GASK1B: variants seen among roughly 807,000 people sequenced by gnomAD.
GASK1B encodes golgi associated kinase 1B.
A neutral mutation model predicts 42.8 loss-of-function variants in GASK1B; 34 were observed. The ratio of observed to expected loss-of-function variants is 0.79; its 90% CI spans 0.60 to 1.06. The LOEUF (loss-of-function observed/expected upper bound fraction) is 1.06, where lower values mean the gene tolerates loss of function less well. Among genes scored for constraint, GASK1B ranks in the 50% least tolerant of loss-of-function variants. GASK1B has a pLI of 0.00. For synonymous variants in GASK1B, 262 were observed against 259.1 expected (o/e 1.01, Z -0.11); for missense variants, 686 against 661.0 (o/e 1.04, Z -0.42).
chr4:158,144,403 T>C (rs748998678), intron 3 of GASK1B, among the ~76,000 whole-genome samples: 5 of 152,238 alleles, frequency 3.3e-5, no homozygotes, highest in African/African-American at 4.8e-5. Context: ...AGTCAGACTT[T>C]TGAATTTCAT....
chr4:158,154,831 T>C (rs1237394463), intron 3 of GASK1B, among the ~76,000 whole-genome samples: 2 of 152,082 alleles, frequency 1.3e-5, no homozygotes, highest in Non-Finnish European at 2.9e-5. Flanking sequence ...ATAAGAATGA[T>C]ACAATGGACT....
chr4:158,171,591 G>C lies in GASK1B; in HGVS notation c.-216C>G. 1 of 443,292 alleles carries C rather than the reference G, an allele frequency of 2.3e-6. No individual in the cohort carries two copies. Among genetic ancestry groups the C allele is most frequent in the Non-Finnish European group, 3.9e-6 (1 of 256,984 alleles). 27.5% of individuals were successfully genotyped at this position (443,292 alleles called of 1,614,324 possible). On this transcript the variant is annotated 5_prime_UTR_variant, in exon 2 of 5. Coordinates refer to ENST00000585682, the MANE Select transcript of GASK1B (RefSeq NM_001128424.2). ...TATCAGTCTCCCCAAGGAGAAATGC[G>C]GCTTGTTTCTGGGAATGAATGGATA...
Position 158,171,359 on chromosome 4 carries a change from T to C in GASK1B, c.17A>G (p.Lys6Arg). ...GAACCAGTTTATGAGCTGCCCCGGC[T>C]TGTCTGGACAGGTCATTTCTCTGCC... MTCPD[K>R]PGQLINWFIC... is the part of the protein sequence containing the mutation. The change falls in exon 2 of 5, where the codon AAG (lysine) becomes AGG (arginine). Residue 6 changes from lysine (K) to arginine (R), a missense_variant. Lys to Arg is a conservative substitution (Grantham distance 26). Coordinates refer to ENST00000585682, the MANE Select transcript of GASK1B (RefSeq NM_001128424.2). 2 of 1,583,990 alleles carry C rather than the reference T, an allele frequency of 1.3e-6. No homozygotes were observed. Among genetic ancestry groups the C allele is most frequent in the Non-Finnish European group, 8.6e-7 (1 of 1,162,276 alleles).
At chr4:158,158,517 T>C (rs1731843778) in intron 2 of GASK1B, among the ~76,000 whole-genome samples, 1 of 152,034 alleles carries the variant, frequency 6.6e-6, no homozygotes, top group South Asian at 2.1e-4. Context: ...GTATGTAGAG[T>C]TTGTCATAAT....
intron 3 of GASK1B, among the ~76,000 whole-genome samples, chr4:158,132,449 G>A (rs920961828): frequency 6.6e-6 from 1 of 152,108 alleles, no homozygotes; most frequent in African/African-American, 2.4e-5. Context: ...TCCTATCAGT[G>A]AGCTAGGCAC....
chr4:158,130,904 G>C lies in GASK1B; in HGVS notation c.1234C>G (p.Leu412Val). Residue 412 changes from leucine to valine, a missense_variant, in exon 4 of 5, where the codon CTA becomes GTA. Physicochemically the swap from Leu to Val is conservative, Grantham distance 32. Transcript: ENST00000585682. Reference sequence around the variant, plus strand: ...TGCTTTCGCTGGATAATGTGTGCTAGAGCCGCAGAACCTTGGTCATCACAT... The same window carrying C: ...TGCTTTCGCTGGATAATGTGTGCTACAGCCGCAGAACCTTGGTCATCACAT... The part of the protein sequence containing the change: ...PKCDDQGSAA[L>V]AHIIQRKHDP... 3 of 1,614,106 alleles carry C rather than the reference G, an allele frequency of 1.9e-6. No homozygotes were observed. Among genetic ancestry groups the C allele is most frequent in the Non-Finnish European group, 2.5e-6 (3 of 1,179,980 alleles).
intron 3 of GASK1B, among the ~76,000 whole-genome samples, chr4:158,131,904 T>G (rs1017245688): frequency 5.9e-5 from 9 of 152,202 alleles, no homozygotes; most frequent in African/African-American, 1.9e-4. Flanking sequence ...GAAAGATTGA[T>G]GAAAATATGT....
intron 2 of GASK1B, among the ~76,000 whole-genome samples, chr4:158,167,917 A>G (rs1245964876): frequency 6.6e-6 from 1 of 152,154 alleles, no homozygotes; most frequent in Admixed American, 6.5e-5. Context: ...AGTGAGAAAA[A>G]GACTAGAAAT....
chr4:158,149,872 G>T (rs1731479867), intron 3 of GASK1B, among the ~76,000 whole-genome samples: 1 of 137,344 alleles, frequency 7.3e-6, no homozygotes, highest in South Asian at 2.4e-4. Flanking sequence ...TTAGATAACT[G>T]TTGAGAGACA....
At chr4:158,137,637 A>C (rs1438169559) in intron 3 of GASK1B, among the ~76,000 whole-genome samples, 1 of 152,094 alleles carries the variant, frequency 6.6e-6, no homozygotes, top group African/African-American at 2.4e-5. Flanking sequence ...CCTCGGACAA[A>C]TCCCACAATC....
At chr4:158,165,489 G>A (rs1322538322) in intron 2 of GASK1B, among the ~76,000 whole-genome samples, 1 of 152,010 alleles carries the variant, frequency 6.6e-6, no homozygotes, top group Non-Finnish European at 1.5e-5. Context: ...AGAAAATCTG[G>A]TAAGCACTGG....
At chr4:158,148,575 T>A (rs1579028354) in intron 3 of GASK1B, among the ~76,000 whole-genome samples, 1 of 152,216 alleles carries the variant, frequency 6.6e-6, no homozygotes, top group East Asian at 1.9e-4. Context: ...AATAATCAGA[T>A]TAACTTCTGA....
intron 3 of GASK1B, among the ~76,000 whole-genome samples, chr4:158,145,206 A>C (rs1560782776): frequency 6.6e-6 from 1 of 152,138 alleles, no homozygotes; most frequent in Non-Finnish European, 1.5e-5. Context: ...TTATCACACC[A>C]TTAAGTGGGA....
rs144136087 is a variant in GASK1B at position 158,130,856 on chromosome 4, T to A, written c.1282A>T (p.Ile428Leu). ...CTGTCAAAGAAACCCTTGTTGTCTA[T>A]AAAAACCAAATGCCTTGGGTCATGC... is the stretch of plus-strand genomic sequence containing the variant. Reference protein sequence around the residue: ...RKHDPRHLVFIDNKGFFDRSE... With the variant: ...RKHDPRHLVFLDNKGFFDRSE... The change falls in exon 4 of 5, where the codon ATA becomes TTA. Residue 428 changes from isoleucine to leucine, a missense_variant. By Grantham distance (5) the Ile-to-Leu change is conservative. Coordinates refer to ENST00000585682, the MANE Select transcript of GASK1B (RefSeq NM_001128424.2). 6.2e-7 allele frequency: 1 copy of A among 1,614,034 alleles called. No homozygotes were observed.
chr4:158,136,657 G>C (rs906953711), intron 3 of GASK1B, among the ~76,000 whole-genome samples: 1 of 152,150 alleles, frequency 6.6e-6, no homozygotes, highest in Non-Finnish European at 1.5e-5. Context: ...CTCTTTAAGG[G>C]TCTAAGTGAG....
chr4:158,140,770 C>T (rs1351646339), intron 3 of GASK1B, among the ~76,000 whole-genome samples: 3 of 152,178 alleles, frequency 2.0e-5, no homozygotes, highest in Non-Finnish European at 2.9e-5. Context: ...ATCACACAGG[C>T]TTCCTCAAGT....
intron 3 of GASK1B, among the ~76,000 whole-genome samples, chr4:158,154,346 A>G (rs1196602070): frequency 6.6e-6 from 1 of 152,198 alleles, no homozygotes; most frequent in African/African-American, 2.4e-5. Flanking sequence ...AAGAATGGCC[A>G]TAATACAAAA....
In GASK1B at chr4:158,170,869, T is replaced by C. The variant is rs768143834; in HGVS notation, c.507A>G (p.Gly169=). 1 of 1,614,200 alleles carries C rather than the reference T, an allele frequency of 6.2e-7. No individual in the cohort carries two copies. The highest frequency in any genetic ancestry group is 1.7e-5 in the Admixed American group (1 of 60,030). Residue 169 remains glycine, a synonymous_variant, in exon 2 of 5, where the codon GGA becomes GGG. Transcript: ENST00000585682. The part of the protein sequence containing the change: ...ADAVAPGYAQ[G]ANLVKIGERP... ...GCTCTCCAATCTTAACCAGGTTTGC[T>C]CCCTGAGCGTACCCAGGTGCTACAG... is the stretch of plus-strand genomic sequence containing the variant.
At chr4:158,127,732 G>A (rs1030501296) in intron 4 of GASK1B, 118 bp from the exon 5 acceptor site, 4 of 859,818 alleles carry the variant, frequency 4.7e-6, no homozygotes, top group Non-Finnish European at 7.0e-6. Context: ...GTATCTTTGA[G>A]AACCAAAACA....
Sources: gnomAD v4.1 joint callset for allele counts (sites outside exome capture counted in the v4.1 genomes callset) on GRCh38, gnomAD v4.1.1 for gene constraint, MANE v1.5 for transcripts, NCBI Gene and HGNC (gene_info 2026-07-23, HGNC 2026-07-21) for gene names.